Variants in MYBPC2 observed in about 807,000 individuals in gnomAD.
MYBPC2 encodes the protein myosin-binding protein C, fast-type.
Under a neutral mutation model 137.0 loss-of-function variants are expected in MYBPC2, and 122 were observed. The observed-to-expected ratio is 0.89, with a 90% CI of 0.77 to 1.03. The LOEUF is 1.03. Among genes scored for constraint, MYBPC2 ranks in the 50% least tolerant of loss-of-function variants. The pLI, the probability that MYBPC2 is intolerant of heterozygous loss-of-function variation, is 0.00. For missense variants in MYBPC2, 1,500 were observed against 1,534.4 expected, an observed-to-expected ratio of 0.98 and a Z score of 0.37; for synonymous variants, 626 against 612.3, an observed-to-expected ratio of 1.02 and a Z score of -0.33.
rs985580066 is a variant in MYBPC2 at position 50,461,905 on chromosome 19, A to G, written c.3097A>G (p.Thr1033Ala). 2.5e-6 allele frequency: 4 copies of G among 1,596,472 alleles called. No individual in the cohort carries two copies. Among genetic ancestry groups the G allele is most frequent in the Non-Finnish European group, 3.4e-6 (4 of 1,171,150 alleles). Reference sequence around the variant, plus strand: ...GGTGCATCCTCTCTCCCCAGGAATCACCTTCAAACCGTTCGAGTATAAGGA... The same window carrying G: ...GGTGCATCCTCTCTCCCCAGGAATCGCCTTCAAACCGTTCGAGTATAAGGA... ...NTARILKTGI[T>A]FKPFEYKEHD... Residue 1033 changes from threonine (T) to alanine (A), a missense_variant, in exon 26 of 28, where the codon ACC (threonine) becomes GCC (alanine). Thr to Ala is a moderately conservative substitution (Grantham distance 58). Coordinates refer to ENST00000357701, the MANE Select transcript of MYBPC2 (RefSeq NM_004533.4).
chr19:50,464,444 C>G lies in MYBPC2; in HGVS notation c.3327C>G (p.Arg1109=). The G allele has an allele frequency of 6.2e-7, 1 of 1,611,994 alleles. No homozygotes were observed. The highest frequency in any genetic ancestry group is 8.5e-7 in the Non-Finnish European group (1 of 1,179,254). The change falls in exon 27 of 28, where the codon CGC becomes CGG. Residue 1109 remains arginine (R), a synonymous_variant. Transcript: ENST00000357701. The part of the protein sequence containing the change: ...YQGVLTLNIR[R]PSPFDAGTYT... ...GAGTCCTGACGCTGAACATCCGTCG[C>G]CCCTCGCCCTTCGACGCTGGGACTT...
In MYBPC2 at chr19:50,435,976, C is replaced by T; in HGVS notation, c.197-36C>T. ...GAGAGCCTTATGTTCCTTCCTGGGCCTCCTCCCACTCTACCCTGTCACTCA... is the reference window on the plus strand; with the variant it reads ...GAGAGCCTTATGTTCCTTCCTGGGCTTCCTCCCACTCTACCCTGTCACTCA... On this transcript the variant is annotated intron_variant, in intron 3 of 27. Transcript: ENST00000357701. The surrounding 1 kb of genome is among the most constrained non-coding windows in gnomAD (Gnocchi z 4.8). 1.3e-6 allele frequency: 2 copies of T among 1,558,762 alleles called. No individual in the cohort carries two copies. Among genetic ancestry groups the T allele is most frequent in the Non-Finnish European group, 1.7e-6 (2 of 1,150,850 alleles).
intron 7 of MYBPC2, among the ~76,000 whole-genome samples, chr19:50,438,683 T>C (rs1005235743): frequency 7.2e-5 from 11 of 151,936 alleles, no homozygotes; most frequent in African/African-American, 2.4e-4. Flanking sequence ...CTGGGCCACA[T>C]AGGGAGACCC....
intron 15 of MYBPC2, 124 bp downstream of exon 15, chr19:50,451,433 G>A: frequency 3.4e-6 from 3 of 890,588 alleles, no homozygotes; most frequent in Non-Finnish European, 5.3e-6. Flanking sequence ...GGGAGGATGA[G>A]TGGGGAGAGG....
intron 1 of MYBPC2, among the ~76,000 whole-genome samples, chr19:50,434,539 G>A (rs577506103): frequency 3.3e-5 from 5 of 152,294 alleles, no homozygotes; most frequent in East Asian, 1.9e-4. Flanking sequence ...AGGAATTAGC[G>A]GGGCTTCTTC....
At position 50,440,418 on chromosome 19, in the gene MYBPC2, C is replaced by G. The variant is rs1165650785; in HGVS notation, c.573-462C>G. Among the ~76,000 whole-genome samples, 7 of 152,052 alleles carry G rather than the reference C, an allele frequency of 4.6e-5. No individual in the cohort carries two copies. The South Asian group carries it at 1.0e-3, about 23-fold the overall frequency. On this transcript the variant is annotated intron_variant, in intron 7 of 27. Transcript: ENST00000357701. ...GTGGCTCACACCTGTAATCCCAGCA[C>G]TTTGGGAGGCTGAGGCGGGTGGATC...
At chr19:50,462,078 T>C (rs763376294) in intron 26 of MYBPC2, 42 bp downstream of exon 26, 2 of 1,543,824 alleles carry the variant, frequency 1.3e-6, no homozygotes, top group South Asian at 1.2e-5. Context: ...TGTTGCCTTG[T>C]GGGGAATCTT....
chr19:50,463,249 G>A (rs1439364871), intron 26 of MYBPC2, among the ~76,000 whole-genome samples: 1 of 152,162 alleles, frequency 6.6e-6, no homozygotes, highest in Non-Finnish European at 1.5e-5. Flanking sequence ...CAGGCCCAGA[G>A]ACTACAGGGC....
chr19:50,446,155 T>C (rs930680547), intron 12 of MYBPC2, 103 bp downstream of exon 12: 1 of 1,324,776 alleles, frequency 7.5e-7, no homozygotes, highest in Non-Finnish European at 1.0e-6. Context: ...CTGACTCCTC[T>C]CTTTCCCACA....
Position 50,464,538 on chromosome 19 carries a change from G to A in MYBPC2, c.3415+6G>A. ...GTGCAAGCTGGAGGTCCGAGGTGAG[G>A]GCGTGGCCATCCCCAACACTGGCTG... On this transcript the variant is annotated splice_donor_region_variant and intron_variant, in intron 27 of 27. Coordinates refer to ENST00000357701, the MANE Select transcript of MYBPC2 (RefSeq NM_004533.4). 1.3e-6 allele frequency: 2 copies of A among 1,598,062 alleles called. No individual in the cohort carries two copies. The highest frequency in any genetic ancestry group is 1.7e-6 in the Non-Finnish European group (2 of 1,173,282).
At position 50,466,147 on chromosome 19, in the gene MYBPC2, A is replaced by G; in HGVS notation, c.3416-48A>G. 1 of 1,612,624 alleles carries G rather than the reference A, an allele frequency of 6.2e-7. No homozygotes were observed. Among genetic ancestry groups the G allele is most frequent in the Non-Finnish European group, 8.5e-7 (1 of 1,179,682 alleles). ...CAGCTCCTCCTCCTGGGGCTTCAGG[A>G]GGAGGCGTGCCCGGGCCTGGCTCAC... On this transcript the variant is annotated intron_variant, in intron 27 of 27. Transcript: ENST00000357701. The surrounding 1 kb of genome is among the most constrained non-coding windows in gnomAD (Gnocchi z 4.9).
In MYBPC2 at chr19:50,443,801, G is replaced by A. The variant is rs552817311; in HGVS notation, c.1118G>A (p.Gly373Asp). The change falls in exon 11 of 28, where the codon GGT becomes GAT. Residue 373 changes from glycine to aspartate, a missense_variant. By Grantham distance (94) the Gly-to-Asp change is moderately conservative. Coordinates refer to ENST00000357701, the MANE Select transcript of MYBPC2 (RefSeq NM_004533.4). ...VEMAVEVSEE[G>D]AQVMWMKDGV... is the part of the protein sequence containing the mutation. ...ATGGCAGTGGAGGTGTCAGAAGAGG[G>A]TGCCCAGGTGATGTGGTAAGTGACC... 1.2e-6 allele frequency: 2 copies of A among 1,613,782 alleles called. No individual in the cohort carries two copies. The highest frequency in any genetic ancestry group is 1.1e-5 in the South Asian group (1 of 91,040).
At chr19:50,442,375 G>C in intron 9 of MYBPC2, 62 bp downstream of exon 9, 2 of 1,569,420 alleles carry the variant, frequency 1.3e-6, no homozygotes, top group Non-Finnish European at 1.7e-6. Flanking sequence ...AACGCCCGGA[G>C]ACAAGGCCTA....
chr19:50,448,662 G>T (rs1440343207), intron 13 of MYBPC2, among the ~76,000 whole-genome samples: 1 of 151,732 alleles, frequency 6.6e-6, no homozygotes, highest in Non-Finnish European at 1.5e-5. Context: ...GTTTTGCCAT[G>T]TTAGTCAGGC....
chr19:50,451,500 C>T (rs1436863711), intron 15 of MYBPC2, among the ~76,000 whole-genome samples, 191 bp downstream of exon 15: 3 of 57,470 alleles, frequency 5.2e-5, no homozygotes, highest in East Asian at 4.5e-4. Flanking sequence ...AGCTGACAGA[C>T]GGGGTGGGGG....
At position 50,435,803 on chromosome 19, in the gene MYBPC2, C is replaced by T; in HGVS notation, c.137C>T (p.Thr46Ile). 1 of 1,612,024 alleles carries T rather than the reference C, an allele frequency of 6.2e-7. No homozygotes were observed. The highest frequency in any genetic ancestry group is 1.1e-5 in the South Asian group (1 of 90,642). ...KEAPPEDQSP[T>I]AEEPTGVFLK... ...GCCCCACCCGAGGACCAGTCCCCGA[C>T]TGCAGAGGAGCCCACCGGCGTTTTC... is the stretch of plus-strand genomic sequence containing the variant. Residue 46 changes from threonine (T) to isoleucine (I), a missense_variant, in exon 3 of 28, where the codon ACT (threonine) becomes ATT (isoleucine). By Grantham distance (89) the Thr-to-Ile change is moderately conservative. Coordinates refer to ENST00000357701, the MANE Select transcript of MYBPC2 (RefSeq NM_004533.4). This position sits in a 1 kb window ranked among gnomAD's most constrained non-coding sequence, Gnocchi z 4.8.
chr19:50,462,482 A>G (rs1250901627), intron 26 of MYBPC2, among the ~76,000 whole-genome samples: 2 of 149,730 alleles, frequency 1.3e-5, no homozygotes, highest in Admixed American at 6.7e-5. Flanking sequence ...CCACGCCCAG[A>G]CTGGACTTGC....
chr19:50,442,226 A>G lies in MYBPC2; in HGVS notation c.815A>G (p.Asn272Ser). The change falls in exon 9 of 28, where the codon AAC becomes AGC. Residue 272 changes from asparagine to serine, a missense_variant. Asn to Ser is a conservative substitution (Grantham distance 46, BLOSUM62 1). Coordinates refer to ENST00000357701, the MANE Select transcript of MYBPC2 (RefSeq NM_004533.4). Reference sequence around the variant, plus strand: ...CCAGCCTACCAAGTGGACAGAGGCAACAAGATCAAGTTGATGGTAGAGATC... The same window carrying G: ...CCAGCCTACCAAGTGGACAGAGGCAGCAAGATCAAGTTGATGGTAGAGATC... Reference protein sequence around the residue: ...LDPAYQVDRGNKIKLMVEISD... With the variant: ...LDPAYQVDRGSKIKLMVEISD... The G allele has an allele frequency of 1.2e-6, 2 of 1,603,288 alleles. No homozygotes were observed. Among genetic ancestry groups the G allele is most frequent in the South Asian group, 1.1e-5 (1 of 88,826 alleles).
chr19:50,452,327 G>A (rs141624078), intron 16 of MYBPC2, among the ~76,000 whole-genome samples: 11 of 152,190 alleles, frequency 7.2e-5, no homozygotes, highest in African/African-American at 1.2e-4. Flanking sequence ...CCATCCACTC[G>A]TCCAGTAATT....
Sources: allele counts gnomAD v4.1 joint callset (sites outside exome capture counted in the v4.1 genomes callset), GRCh38; gene constraint gnomAD v4.1.1; non-coding constraint Gnocchi (gnomAD v3.1); transcripts MANE v1.5; gene names NCBI Gene and HGNC (gene_info 2026-07-23, HGNC 2026-07-21).